ATP1A1: variants seen among roughly 807,000 people sequenced by gnomAD.
ATP1A1 encodes the protein ATPase Na+/K+ transporting subunit alpha 1.
A neutral mutation model predicts 114.8 loss-of-function variants in ATP1A1; 14 were observed. The ratio of observed to expected loss-of-function variants is 0.12; its 90% confidence interval spans 0.08 to 0.19. The LOEUF (loss-of-function observed/expected upper bound fraction) is 0.19. Among genes scored for constraint, ATP1A1 ranks in the 10% least tolerant of loss-of-function variants. ATP1A1 has a pLI of 1.00. For missense variants in ATP1A1, 524 were observed against 1,290.7 expected, an observed-to-expected ratio of 0.41 and a Z score of 9.10; for synonymous variants, 471 against 466.3, an observed-to-expected ratio of 1.01 and a Z score of -0.13.
At chr1:116,374,428 G>T (rs575356235) in intron 1 of ATP1A1, among the ~76,000 whole-genome samples, 3 of 152,292 alleles carry the variant, frequency 2.0e-5, no homozygotes, top group African/African-American at 7.2e-5. Flanking sequence ...ACTGGAGGCT[G>T]CAGGCAATAC....
Position 116,393,840 on chromosome 1 carries a change from A to G in ATP1A1, c.1660+117A>G, listed in dbSNP as rs1652675137. On this transcript the variant is annotated intron_variant, in intron 12 of 22. Transcript: ENST00000295598. The surrounding 1 kb of genome is among the most constrained non-coding windows in gnomAD (Gnocchi z 5.0). ...CTATGTCTTGTTGACCTTCCTCTACATCTTTTAGGGGCAATCCTCCTATTT... is the reference window on the plus strand; with the variant it reads ...CTATGTCTTGTTGACCTTCCTCTACGTCTTTTAGGGGCAATCCTCCTATTT... 4.0e-6 allele frequency: 4 copies of G among 995,812 alleles called. No individual in the cohort carries two copies. The highest frequency in any genetic ancestry group is 1.8e-5 in the South Asian group (1 of 54,080). The allele number at this position is 995,812 out of a possible 1,614,324, so 61.7% of individuals were successfully genotyped here. A position where few individuals can be genotyped will look rare whatever the true frequency, so the allele number is the denominator to read the frequency against.
In ATP1A1 at chr1:116,388,375, A is replaced by C; in HGVS notation, c.501+131A>C. ...CAGAGAGATGGATGTCTTCTACCCC[A>C]CCCAAAACCAACCTATTTTCCTTCT... On this transcript the variant is annotated intron_variant, in intron 5 of 22. Coordinates refer to ENST00000295598, the MANE Select transcript of ATP1A1 (RefSeq NM_000701.8). The surrounding 1 kb of genome is among the most constrained non-coding windows in gnomAD (Gnocchi z 5.6). 1.0e-6 allele frequency: 1 copy of C among 973,456 alleles called. No homozygotes were observed. The highest frequency in any genetic ancestry group is 1.5e-6 in the Non-Finnish European group (1 of 656,586). 60.3% of individuals were successfully genotyped at this position (973,456 alleles called of 1,614,324 possible).
intron 21 of ATP1A1, among the ~76,000 whole-genome samples, chr1:116,403,126 C>G (rs541866311): frequency 6.6e-6 from 1 of 152,284 alleles, no homozygotes; most frequent in South Asian, 2.1e-4. Flanking sequence ...CAGGTTCTGC[C>G]CAATTTTGGA....
Position 116,385,238 on chromosome 1 carries a change from C to T in ATP1A1, c.183+396C>T, listed in dbSNP as rs6682792. The T allele has an allele frequency of 0.051, 12,038 of 234,822 alleles. 1,318 individuals carry two copies. Among genetic ancestry groups the T allele is most frequent in the African/African-American group, 0.24 (9,996 of 42,116 alleles). 14.5% of individuals were successfully genotyped at this position (234,822 alleles called of 1,614,324 possible). A position where few individuals can be genotyped will look rare whatever the true frequency, so the allele number is the denominator to read the frequency against. On this transcript the variant is annotated intron_variant, in intron 3 of 22. Transcript: ENST00000295598. The surrounding 1 kb of genome is among the most constrained non-coding windows in gnomAD (Gnocchi z 4.3). ...CAACAATTCCCATTTTTGCACTTTTCCCAGCTAGCCCATTGCAGTGTGTTA... is the reference window on the plus strand; with the variant it reads ...CAACAATTCCCATTTTTGCACTTTTTCCAGCTAGCCCATTGCAGTGTGTTA...
rs1652324921 is a variant in ATP1A1, at chr1:116,389,841, C to T, written c.1023+134C>T. On this transcript the variant is annotated intron_variant, in intron 8 of 22. Coordinates refer to ENST00000295598, the MANE Select transcript of ATP1A1 (RefSeq NM_000701.8). This position sits in a 1 kb window ranked among gnomAD's most constrained non-coding sequence, Gnocchi z 6.9. ...TTGATATAGTTCTTCTTGAGAGCCA[C>T]ATCACGTGGTGAATTTTGACAGTGA... 4 of 1,291,692 alleles carry T rather than the reference C, an allele frequency of 3.1e-6. No individual in the cohort carries two copies. The highest frequency in any genetic ancestry group is 5.2e-5 in the Admixed American group (2 of 38,748). The allele number at this position is 1,291,692 out of a possible 1,614,324, so 80.0% of individuals were successfully genotyped here. A position where few individuals can be genotyped will look rare whatever the true frequency, so the allele number is the denominator to read the frequency against.
rs1652623918 is a variant in ATP1A1 at position 116,393,330 on chromosome 1, A to G, written c.1468-201A>G. On this transcript the variant is annotated intron_variant, in intron 11 of 22. Transcript: ENST00000295598. This position sits in a 1 kb window ranked among gnomAD's most constrained non-coding sequence, Gnocchi z 5.0. ...TAATGTGAACAAATGTCAGGAATTT[A>G]TGAATATATCATAGTGCTCATTTTT... Among the ~76,000 whole-genome samples the G allele has an allele frequency of 6.7e-6, 1 of 149,970 alleles. No individual in the cohort carries two copies.
intron 21 of ATP1A1, among the ~76,000 whole-genome samples, chr1:116,402,463 T>C (rs558781994): frequency 2.2e-4 from 34 of 151,178 alleles, no homozygotes; most frequent in African/African-American, 8.2e-4. Context: ...CTCAATCCCC[T>C]GTTGCCAGCA....
chr1:116,398,154 G>A lies in ATP1A1; in HGVS notation c.2124+116G>A. ...TGCATACCTCGCTGTATTAGACTCAGTATAAATAGGCCAGTAGGAAGCTCA... is the reference window on the plus strand; with the variant it reads ...TGCATACCTCGCTGTATTAGACTCAATATAAATAGGCCAGTAGGAAGCTCA... On this transcript the variant is annotated intron_variant, in intron 15 of 22. Coordinates refer to ENST00000295598, the MANE Select transcript of ATP1A1 (RefSeq NM_000701.8). This position sits in a 1 kb window ranked among gnomAD's most constrained non-coding sequence, Gnocchi z 6.1. 2 of 1,383,418 alleles carry A rather than the reference G, an allele frequency of 1.4e-6. No homozygotes were observed. The highest frequency in any genetic ancestry group is 2.0e-6 in the Non-Finnish European group (2 of 1,022,096). The allele number at this position is 1,383,418 out of a possible 1,614,324, so 85.7% of individuals were successfully genotyped here. A position where few individuals can be genotyped will look rare whatever the true frequency, so the allele number is the denominator to read the frequency against.
chr1:116,389,866 A>C lies in ATP1A1; in HGVS notation c.1023+159A>C. The C allele has an allele frequency of 9.1e-7, 1 of 1,094,698 alleles. No homozygotes were observed. Among genetic ancestry groups the C allele is most frequent in the Non-Finnish European group, 1.3e-6 (1 of 783,740 alleles). The allele number at this position is 1,094,698 out of a possible 1,614,324, so 67.8% of individuals were successfully genotyped here. A position where few individuals can be genotyped will look rare whatever the true frequency, so the allele number is the denominator to read the frequency against. On this transcript the variant is annotated intron_variant, in intron 8 of 22. Transcript: ENST00000295598. This position sits in a 1 kb window ranked among gnomAD's most constrained non-coding sequence, Gnocchi z 6.9. ...CATCACGTGGTGAATTTTGACAGTG[A>C]GAAAACCTCAGCATTTGTTTATACG...
rs1200038980 is a variant in ATP1A1 at position 116,397,845 on chromosome 1, G to A, written c.1974-43G>A. 6.3e-7 allele frequency: 1 copy of A among 1,590,258 alleles called. No individual in the cohort carries two copies. ...CTTGAGGTGATGGACACATGCTGGT[G>A]ATGTGATGCGTGACTTTTTTTTTTT... On this transcript the variant is annotated intron_variant, in intron 14 of 22. Coordinates refer to ENST00000295598, the MANE Select transcript of ATP1A1 (RefSeq NM_000701.8). The surrounding 1 kb of genome is among the most constrained non-coding windows in gnomAD (Gnocchi z 4.2).
rs780056911 is a variant in ATP1A1 at position 116,390,913 on chromosome 1, T to C, written c.1332+22T>C. ...TAAGGTATGCTCAAGAGTTAACTAA[T>C]GGAGGGATGTAGACAGCACATGAGA... On this transcript the variant is annotated intron_variant, in intron 10 of 22. Transcript: ENST00000295598. 7 of 1,589,800 alleles carry C rather than the reference T, an allele frequency of 4.4e-6. No homozygotes were observed. The South Asian group carries it at 6.6e-5, about 15-fold the overall frequency.
chr1:116,373,450 T>A lies in ATP1A1; in HGVS notation c.-62T>A. 1 of 1,478,140 alleles carries A rather than the reference T, an allele frequency of 6.8e-7. No individual in the cohort carries two copies. Among genetic ancestry groups the A allele is most frequent in the Non-Finnish European group, 9.0e-7 (1 of 1,109,670 alleles). 91.6% of individuals were successfully genotyped at this position (1,478,140 alleles called of 1,614,324 possible). A position where few individuals can be genotyped will look rare whatever the true frequency, so the allele number is the denominator to read the frequency against. ...CCGCTCGCTCGGCCGGGAGCTGCTC[T>A]GTGCTTTTCTCTCTGATTCTCCAGC... On this transcript the variant is annotated 5_prime_UTR_variant, in exon 1 of 23. Coordinates refer to ENST00000295598, the MANE Select transcript of ATP1A1 (RefSeq NM_000701.8).
chr1:116,401,867 G>A lies in ATP1A1; in HGVS notation c.2951+212G>A. ...GATAGCAGCTAGTGTTTAGGATTTG[G>A]CCCAAGATAAGATAAAGCCACACAG... On this transcript the variant is annotated intron_variant, in intron 21 of 22. Coordinates refer to ENST00000295598, the MANE Select transcript of ATP1A1 (RefSeq NM_000701.8). This position sits in a 1 kb window ranked among gnomAD's most constrained non-coding sequence, Gnocchi z 4.7. 1.7e-6 allele frequency: 1 copy of A among 595,570 alleles called. No individual in the cohort carries two copies. The highest frequency in any genetic ancestry group is 3.0e-6 in the Non-Finnish European group (1 of 337,680). The allele number at this position is 595,570 out of a possible 1,614,324, so 36.9% of individuals were successfully genotyped here. A position where few individuals can be genotyped will look rare whatever the true frequency, so the allele number is the denominator to read the frequency against.
chr1:116,404,549 A>G lies in ATP1A1; in HGVS notation c.*105A>G. The G allele has an allele frequency of 6.8e-7, 1 of 1,474,220 alleles. No individual in the cohort carries two copies. Among genetic ancestry groups the G allele is most frequent in the South Asian group, 1.4e-5 (1 of 69,062 alleles). 91.3% of individuals were successfully genotyped at this position (1,474,220 alleles called of 1,614,324 possible). A position where few individuals can be genotyped will look rare whatever the true frequency, so the allele number is the denominator to read the frequency against. On this transcript the variant is annotated 3_prime_UTR_variant, in exon 23 of 23. Coordinates refer to ENST00000295598, the MANE Select transcript of ATP1A1 (RefSeq NM_000701.8). The surrounding 1 kb of genome is among the most constrained non-coding windows in gnomAD (Gnocchi z 4.8). ...TTGGAGTTTGGAACTCTACCCTGGT[A>G]GGAAAGCACCGCAGCATGTGGGGAA...
In ATP1A1 at chr1:116,401,635, T is replaced by A. The variant is rs1653487628; in HGVS notation, c.2931T>A (p.Ala977=). 6.2e-7 allele frequency: 1 copy of A among 1,614,102 alleles called. No individual in the cohort carries two copies. The highest frequency in any genetic ancestry group is 8.5e-7 in the Non-Finnish European group (1 of 1,180,034). Residue 977 remains alanine (A), a synonymous_variant, in exon 21 of 23, where the codon GCT becomes GCA. Coordinates refer to ENST00000295598, the MANE Select transcript of ATP1A1 (RefSeq NM_000701.8). The surrounding 1 kb of genome is among the most constrained non-coding windows in gnomAD (Gnocchi z 4.7). ...CCTACTGCCCTGGAATGGGTGTTGC[T>A]CTTAGGATGTATCCCCTCAAGTAAG... ...FLSYCPGMGV[A]LRMYPLKPTW...
Position 116,393,166 on chromosome 1 carries a change from A to C in ATP1A1, c.1467+178A>C. Reference sequence around the variant, plus strand: ...AGTTGAATATCAGCAGGATAAATGAAGCCTCTTGCAAAACACTGTTGAGCC... The same window carrying C: ...AGTTGAATATCAGCAGGATAAATGACGCCTCTTGCAAAACACTGTTGAGCC... On this transcript the variant is annotated intron_variant, in intron 11 of 22. Coordinates refer to ENST00000295598, the MANE Select transcript of ATP1A1 (RefSeq NM_000701.8). This position sits in a 1 kb window ranked among gnomAD's most constrained non-coding sequence, Gnocchi z 5.0. 1 of 986,802 alleles carries C rather than the reference A, an allele frequency of 1.0e-6. No individual in the cohort carries two copies. The allele number at this position is 986,802 out of a possible 1,614,324, so 61.1% of individuals were successfully genotyped here.
rs1652824511 is a variant in ATP1A1, at chr1:116,395,407, C to T, written c.1836+122C>T. ...TATCTCACCTGGAGTATTAATTTCT[C>T]ATCTCCAAAGCTTTACTTCCACCCA... On this transcript the variant is annotated intron_variant, in intron 13 of 22. Coordinates refer to ENST00000295598, the MANE Select transcript of ATP1A1 (RefSeq NM_000701.8). The surrounding 1 kb of genome is among the most constrained non-coding windows in gnomAD (Gnocchi z 6.4). 2 of 1,077,686 alleles carry T rather than the reference C, an allele frequency of 1.9e-6. No homozygotes were observed. The highest frequency in any genetic ancestry group is 6.6e-5 in the Admixed American group (2 of 30,364). The allele number at this position is 1,077,686 out of a possible 1,614,324, so 66.8% of individuals were successfully genotyped here.
chr1:116,398,051 A>G lies in ATP1A1; in HGVS notation c.2124+13A>G, dbSNP rs1006654437. On this transcript the variant is annotated intron_variant, in intron 15 of 22. Transcript: ENST00000295598. The surrounding 1 kb of genome is among the most constrained non-coding windows in gnomAD (Gnocchi z 6.1). Reference sequence around the variant, plus strand: ...CTGCCAAAGACAGGTCAGCCAGCACAAGGATCAGGCTGCTTTGGGCACTAT... The same window carrying G: ...CTGCCAAAGACAGGTCAGCCAGCACGAGGATCAGGCTGCTTTGGGCACTAT... The G allele has an allele frequency of 5.6e-6, 9 of 1,613,506 alleles. No homozygotes were observed. Among genetic ancestry groups the G allele is most frequent in the Non-Finnish European group, 5.9e-6 (7 of 1,179,728 alleles).
intron 1 of ATP1A1, among the ~76,000 whole-genome samples, chr1:116,380,231 G>A (rs12070283): frequency 0.079 from 12,065 of 152,230 alleles, 1,400 homozygotes; most frequent in African/African-American, 0.25. Flanking sequence ...GGCAACACTA[G>A]AATAAATTGG....
Sources: gnomAD v4.1 joint callset for allele counts (sites outside exome capture counted in the v4.1 genomes callset) on GRCh38, gnomAD v4.1.1 for gene constraint, Gnocchi (gnomAD v3.1) non-coding constraint, MANE v1.5 for transcripts, NCBI Gene and HGNC (gene_info 2026-07-23, HGNC 2026-07-21) for gene names.